EPN1: variants seen among roughly 807,000 people sequenced by gnomAD.
EPN1 encodes the protein epsin-1.
EPN1 carries 25 observed loss-of-function variants against 56.9 expected under a neutral mutation model. The ratio of observed to expected loss-of-function variants is 0.44; its 90% CI spans 0.32 to 0.61. The LOEUF is 0.61. EPN1 is among the 20% of genes least tolerant of loss of function. EPN1 has a pLI of 0.05. For synonymous variants in EPN1, 411 were observed against 361.8 expected, an observed-to-expected ratio of 1.14 and a Z score of -1.54; for missense variants, 785 against 823.7, an observed-to-expected ratio of 0.95 and a Z score of 0.58.
intron 1 of EPN1, chr19:55,677,043 C>T: frequency 1.4e-6 from 2 of 1,453,750 alleles, no homozygotes; most frequent in South Asian, 2.6e-5. Flanking sequence ...CATCTGTCTT[C>T]AGGTGCCTGG....
chr19:55,682,902 A>G (rs1189056887), intron 2 of EPN1, among the ~76,000 whole-genome samples: 4 of 149,268 alleles, frequency 2.7e-5, no homozygotes, highest in South Asian at 2.1e-4. Flanking sequence ...GATTACAGGT[A>G]CTTGCCACCA....
rs931526983 is a variant in EPN1, at chr19:55,704,064, G to A, written c.*8708G>A. The A allele has an allele frequency of 2.6e-5, 4 of 152,252 alleles. No homozygotes were observed. Among genetic ancestry groups the A allele is most frequent in the African/African-American group, 9.7e-5 (4 of 41,442 alleles). 9.4% of individuals were successfully genotyped at this position (152,252 alleles called of 1,614,324 possible). A position where few individuals can be genotyped will look rare whatever the true frequency, so the allele number is the denominator to read the frequency against. On this transcript the variant is annotated 3_prime_UTR_variant, in exon 11 of 11. Transcript: ENST00000270460. ...TTTCCAGGCTTCTCGCCCACACGGAGACAGTCGCTCTCACACGTACCTCTC... is the reference window on the plus strand; with the variant it reads ...TTTCCAGGCTTCTCGCCCACACGGAAACAGTCGCTCTCACACGTACCTCTC...
At position 55,700,755 on chromosome 19, in the gene EPN1, G is replaced by A. The variant is rs111262193; in HGVS notation, c.*5399G>A. On this transcript the variant is annotated 3_prime_UTR_variant, in exon 11 of 11. Transcript: ENST00000270460. Reference sequence around the variant, plus strand: ...GGTAATGACATGCTCTCTAGTAATCGTTGTGTGTTACTGTCAAAAGGTATA... The same window carrying A: ...GGTAATGACATGCTCTCTAGTAATCATTGTGTGTTACTGTCAAAAGGTATA... The A allele has an allele frequency of 0.017, 2,550 of 152,364 alleles. 33 individuals carry two copies. The highest frequency in any genetic ancestry group is 0.025 in the Non-Finnish European group (1,735 of 68,060). The allele number at this position is 152,364 out of a possible 1,614,324, so 9.4% of individuals were successfully genotyped here.
At position 55,695,427 on chromosome 19, in the gene EPN1, G is replaced by C. The variant is rs749660412; in HGVS notation, c.*71G>C. On this transcript the variant is annotated 3_prime_UTR_variant, in exon 11 of 11. Transcript: ENST00000270460. This position sits in a 1 kb window ranked among gnomAD's most constrained non-coding sequence, Gnocchi z 4.4. ...GCTCCCTGGGAGATCAGTGTTGTGA[G>C]TGCATGTGAAATGGGGGATCCCCAC... is the stretch of plus-strand genomic sequence containing the variant. 2 of 834,414 alleles carry C rather than the reference G, an allele frequency of 2.4e-6. No individual in the cohort carries two copies. The highest frequency in any genetic ancestry group is 3.7e-6 in the Non-Finnish European group (2 of 538,856). The allele number at this position is 834,414 out of a possible 1,614,324, so 51.7% of individuals were successfully genotyped here.
In EPN1 at chr19:55,697,414, C is replaced by T. The variant is rs999467443; in HGVS notation, c.*2058C>T. 3 of 152,242 alleles carry T rather than the reference C, an allele frequency of 2.0e-5. No individual in the cohort carries two copies. The highest frequency in any genetic ancestry group is 6.5e-5 in the Admixed American group (1 of 15,280). The allele number at this position is 152,242 out of a possible 1,614,324, so 9.4% of individuals were successfully genotyped here. ...AAATTAAGGATAAGTTTCACGATTT[C>T]GCACTGCGGAGCCTGCACTCCCTTT... On this transcript the variant is annotated 3_prime_UTR_variant, in exon 11 of 11. Transcript: ENST00000270460.
intron 1 of EPN1, chr19:55,676,896 T>C (rs140345053): frequency 0.012 from 4,354 of 357,026 alleles, 38 homozygotes; most frequent in Non-Finnish European, 0.017. Flanking sequence ...CCCAGGTTTC[T>C]ATGTGTCTCT....
chr19:55,709,091 A>T lies in EPN1; in HGVS notation c.*13735A>T, dbSNP rs1234483488. ...TTTTTTTTTTGTTTTTCATTTTTAC[A>T]CAGTATTGCCTCTCTACATTCTGAT... On this transcript the variant is annotated 3_prime_UTR_variant, in exon 11 of 11. Transcript: ENST00000270460. 8 of 1,432,142 alleles carry T rather than the reference A, an allele frequency of 5.6e-6. No individual in the cohort carries two copies. Among genetic ancestry groups the T allele is most frequent in the Non-Finnish European group, 7.6e-6 (8 of 1,057,630 alleles). 88.7% of individuals were successfully genotyped at this position (1,432,142 alleles called of 1,614,324 possible). A position where few individuals can be genotyped will look rare whatever the true frequency, so the allele number is the denominator to read the frequency against.
intron 1 of EPN1, chr19:55,677,132 C>T (rs1176606795): frequency 3.9e-6 from 6 of 1,550,766 alleles, no homozygotes; most frequent in Non-Finnish European, 5.2e-6. Context: ...CATGGCGGGG[C>T]TTTGAAAATC....
chr19:55,702,171 G>A lies in EPN1; in HGVS notation c.*6815G>A, dbSNP rs1987173351. 6.6e-6 allele frequency: 1 copy of A among 152,000 alleles called. No individual in the cohort carries two copies. The highest frequency in any genetic ancestry group is 2.4e-5 in the African/African-American group (1 of 41,348). The allele number at this position is 152,000 out of a possible 1,614,324, so 9.4% of individuals were successfully genotyped here. On this transcript the variant is annotated 3_prime_UTR_variant, in exon 11 of 11. Coordinates refer to ENST00000270460, the MANE Select transcript of EPN1 (RefSeq NM_001130072.2). ...AGACAAGGTTTCACCATGTTGGTCA[G>A]GCTGGTCTCCAACTCCTGACCTCAA...
Position 55,691,157 on chromosome 19 carries a change from G to T in EPN1, c.763-597G>T. Reference sequence around the variant, plus strand: ...CATGCGTGTGCGTGCGGCATGGGAAGACCTGCAGTGCGATGACTGCGGGGT... The same window carrying T: ...CATGCGTGTGCGTGCGGCATGGGAATACCTGCAGTGCGATGACTGCGGGGT... On this transcript the variant is annotated intron_variant, in intron 6 of 10. Transcript: ENST00000270460. This position sits in a 1 kb window ranked among gnomAD's most constrained non-coding sequence, Gnocchi z 5.6. Among the ~76,000 whole-genome samples, 1 of 152,190 alleles carries T rather than the reference G, an allele frequency of 6.6e-6. No homozygotes were observed. Among genetic ancestry groups the T allele is most frequent in the Admixed American group, 6.5e-5 (1 of 15,282 alleles).
At chr19:55,679,056 G>A (rs1985628279) in intron 2 of EPN1, among the ~76,000 whole-genome samples, 1 of 152,226 alleles carries the variant, frequency 6.6e-6, no homozygotes, top group African/African-American at 2.4e-5. Context: ...CTGTTTTTGA[G>A]TGAGTGGTGC....
In EPN1 at chr19:55,689,770, T is replaced by G; in HGVS notation, c.679-97T>G. Reference sequence around the variant, plus strand: ...CCATCGAATCCTTCAGCCGCTTTCGTTGGGGTGGGAGGGGTTGCTGGGGCT... The same window carrying G: ...CCATCGAATCCTTCAGCCGCTTTCGGTGGGGTGGGAGGGGTTGCTGGGGCT... On this transcript the variant is annotated intron_variant, in intron 5 of 10. Coordinates refer to ENST00000270460, the MANE Select transcript of EPN1 (RefSeq NM_001130072.2). The surrounding 1 kb of genome is among the most constrained non-coding windows in gnomAD (Gnocchi z 5.7). 2.6e-5 allele frequency: 29 copies of G among 1,096,968 alleles called. No homozygotes were observed. Among genetic ancestry groups the G allele is most frequent in the Non-Finnish European group, 3.7e-5 (27 of 738,702 alleles). The allele number at this position is 1,096,968 out of a possible 1,614,324, so 68.0% of individuals were successfully genotyped here. A position where few individuals can be genotyped will look rare whatever the true frequency, so the allele number is the denominator to read the frequency against.
rs747026045 is a variant in EPN1 at position 55,694,733 on chromosome 19, G to A, written c.1272G>A (p.Leu424=). 7.0e-6 allele frequency: 11 copies of A among 1,571,178 alleles called. No homozygotes were observed. In the East Asian group the frequency reaches 2.0e-4, roughly 29 times the overall value. ...TCTCCCGGATCCTTCCAGGAGAGCT[G>A]GAGCTGCTGGCAGGAGAGGTGCCGG... ...LPTSGSSAGE[L]ELLAGEVPAR... is the part of the protein sequence containing the mutation. Residue 424 remains leucine (L), a synonymous_variant, in exon 10 of 11, where the codon CTG becomes CTA. Transcript: ENST00000270460. The surrounding 1 kb of genome is among the most constrained non-coding windows in gnomAD (Gnocchi z 4.2).
chr19:55,692,526 GT>G, intron 7 of EPN1, 159 bp from the exon 8 acceptor site: 1 of 498,172 alleles, frequency 2.0e-6, no homozygotes, highest in Middle Eastern at 5.2e-4. Context: ...GAGAAGCCCA[GT>G]TGGAATTTGA....
At chr19:55,692,872 G>C (rs1986660658) in intron 8 of EPN1, 76 bp downstream of exon 8, 3 of 1,592,430 alleles carry the variant, frequency 1.9e-6, no homozygotes, top group Non-Finnish European at 2.6e-6. Context: ...TCCTAAGGGA[G>C]GGGTGGACGC....
At chr19:55,688,832 C>T in intron 3 of EPN1, 38 bp from the exon 4 acceptor site, 1 of 1,562,298 alleles carries the variant, frequency 6.4e-7, no homozygotes, top group Non-Finnish European at 8.7e-7. Context: ...CTCTCGTTCC[C>T]TGGTCTGGGT....
intron 2 of EPN1, among the ~76,000 whole-genome samples, chr19:55,683,654 C>T (rs562479030): frequency 6.6e-6 from 1 of 152,366 alleles, no homozygotes; most frequent in East Asian, 1.9e-4. Context: ...CACCTGGCCT[C>T]ATTTCTCTTT....
At position 55,686,865 on chromosome 19, in the gene EPN1, C is replaced by G. The variant is rs574891704; in HGVS notation, c.478+1220C>G. 4.9e-3 allele frequency among the ~76,000 whole-genome samples: 746 copies of G among 151,484 alleles called. 3 individuals are homozygous for G. The highest frequency in any genetic ancestry group is 0.018 in the African/African-American group (726 of 41,262). Reference sequence around the variant, plus strand: ...GACGGAGGAGGGACATTGGCAGTAGCTCGGAGGAGAGTGGGAGCCTCAGGT... The same window carrying G: ...GACGGAGGAGGGACATTGGCAGTAGGTCGGAGGAGAGTGGGAGCCTCAGGT... On this transcript the variant is annotated intron_variant, in intron 3 of 10. Coordinates refer to ENST00000270460, the MANE Select transcript of EPN1 (RefSeq NM_001130072.2).
rs776250376 is a variant in EPN1, at chr19:55,685,441, G to A, written c.274G>A (p.Val92Met). 9 of 1,610,306 alleles carry A rather than the reference G, an allele frequency of 5.6e-6. No individual in the cohort carries two copies. The highest frequency in any genetic ancestry group is 5.0e-5 in the Admixed American group (3 of 59,604). ...EYLIKTGSER[V>M]SQQCKENMYA... The stretch of plus-strand genomic sequence containing the variant: ...CCTCATCAAGACCGGCTCGGAGCGC[G>A]TGTCGCAGCAGTGCAAGGAGAACAT... The change falls in exon 3 of 11, where the codon GTG becomes ATG. Residue 92 changes from valine to methionine, a missense_variant. This residue lies in a region of EPN1 where 135 missense variants were observed against 218.7 expected (regional missense o/e 0.62). Coordinates refer to ENST00000270460, the MANE Select transcript of EPN1 (RefSeq NM_001130072.2).
Sources: allele counts gnomAD v4.1 joint callset (sites outside exome capture counted in the v4.1 genomes callset), GRCh38; gene constraint gnomAD v4.1.1; regional missense constraint gnomAD v4.1.1; non-coding constraint Gnocchi (gnomAD v3.1); transcripts MANE v1.5; gene names NCBI Gene and HGNC (gene_info 2026-07-23, HGNC 2026-07-21).